Variants in OR2L13 observed in about 807,000 individuals in gnomAD.
OR2L13 encodes olfactory receptor family 2 subfamily L member 13.
Under a neutral mutation model 15.3 loss-of-function variants are expected in OR2L13, and 14 were observed. The observed-to-expected ratio is 0.91, with a 90% CI of 0.60 to 1.43. The LOEUF (loss-of-function observed/expected upper bound fraction) is 1.43, where lower values mean the gene tolerates loss of function less well. Among genes scored for constraint, OR2L13 ranks in the 40% most tolerant of loss-of-function variants. The probability of loss-of-function intolerance (pLI) is 0.00; values close to 1 mark genes in which losing one functional copy is unlikely to be tolerated. For missense variants in OR2L13, 367 were observed against 387.9 expected (o/e 0.95, Z 0.45); for synonymous variants, 152 against 142.9 (o/e 1.06, Z -0.45).
chr1:248,033,267 G>A, the OR2L13 span, among the ~76,000 whole-genome samples: 2 of 152,148 alleles, frequency 1.3e-5, 1 homozygote, highest in South Asian at 4.1e-4. Flanking sequence ...ATGGTGTAAA[G>A]TAAGCATCCA....
chr1:248,018,152 C>CAAAAAAAA, the OR2L13 span, among the ~76,000 whole-genome samples: 1 of 139,912 alleles, frequency 7.1e-6, no homozygotes, highest in African/African-American at 3.1e-5. Context: ...GACTCCATCT[C>CAAAAAAAA]AAAAAAATAA....
At chr1:248,079,048 T>A in the OR2L13 span, among the ~76,000 whole-genome samples, 1 of 152,144 alleles carries the variant, frequency 6.6e-6, no homozygotes, top group Non-Finnish European at 1.5e-5. Flanking sequence ...CAGTTCTGTA[T>A]CCTGATTGGG....
At chr1:248,022,832 G>C in the OR2L13 span, 2 of 1,613,668 alleles carry the variant, frequency 1.2e-6, no homozygotes. Context: ...GAAACAAGGA[G>C]GTGATGGGGG....
the OR2L13 span, among the ~76,000 whole-genome samples, chr1:248,034,861 G>A: frequency 1.3e-4 from 20 of 152,236 alleles, no homozygotes; most frequent in African/African-American, 4.3e-4. Context: ...GCAAATTGTG[G>A]GTGTATAGGA....
At chr1:248,032,920 A>G in the OR2L13 span, among the ~76,000 whole-genome samples, 1 of 152,168 alleles carries the variant, frequency 6.6e-6, no homozygotes, top group African/African-American at 2.4e-5. Flanking sequence ...AAATTACTAT[A>G]CAGATGGTCC....
chr1:247,968,867 G>C, the OR2L13 span, among the ~76,000 whole-genome samples: 2,610 of 152,054 alleles, frequency 0.017, 67 homozygotes, highest in African/African-American at 0.058. Context: ...CCCAGTAATG[G>C]GATGGCTGGG....
the OR2L13 span, chr1:247,937,284 G>T: frequency 1.3e-5 from 2 of 153,602 alleles, no homozygotes; most frequent in South Asian, 3.6e-4. Flanking sequence ...CGCGACCGCC[G>T]ACCACGATGA....
At chr1:247,963,750 T>C in the OR2L13 span, among the ~76,000 whole-genome samples, 2 of 152,204 alleles carry the variant, frequency 1.3e-5, no homozygotes, top group Non-Finnish European at 2.9e-5. Flanking sequence ...ATGTCCTCTG[T>C]CCTCTCTCTA....
the OR2L13 span, chr1:247,965,874 T>C: frequency 6.2e-7 from 1 of 1,613,870 alleles, no homozygotes; most frequent in Non-Finnish European, 8.5e-7. Context: ...TGTTTCAGCT[T>C]CCATTCTGTA....
At chr1:247,975,653 A>C in the OR2L13 span, 1 of 1,134,764 alleles carries the variant, frequency 8.8e-7, no homozygotes, top group Non-Finnish European at 1.3e-6. Context: ...TTCCCTGTGA[A>C]GATGAAGACA....
At chr1:248,015,195 C>T in the OR2L13 span, among the ~76,000 whole-genome samples, 1 of 152,174 alleles carries the variant, frequency 6.6e-6, no homozygotes, top group African/African-American at 2.4e-5. Flanking sequence ...ATTAAAAATA[C>T]ATATTGTGTA....
the OR2L13 span, among the ~76,000 whole-genome samples, chr1:248,073,760 A>C: frequency 6.6e-6 from 1 of 151,964 alleles, no homozygotes; most frequent in African/African-American, 2.4e-5. Context: ...TTAAAAAAAT[A>C]AATATTATAG....
the OR2L13 span, among the ~76,000 whole-genome samples, chr1:248,034,715 G>C: frequency 6.6e-6 from 1 of 152,074 alleles, no homozygotes; most frequent in East Asian, 1.9e-4. Flanking sequence ...TAATCCTTAA[G>C]TGTTTCGTTT....
the OR2L13 span, chr1:247,996,877 A>G: frequency 2.0e-5 from 3 of 152,336 alleles, no homozygotes; most frequent in African/African-American, 7.2e-5. Context: ...CAGCTTTTCA[A>G]ATGCAGGAAT....
the OR2L13 span, among the ~76,000 whole-genome samples, chr1:248,010,763 G>GTTGTTTTTTTTTTTTTT: frequency 2.2e-5 from 1 of 44,460 alleles, no homozygotes; most frequent in Non-Finnish European, 3.7e-5. Context: ...CTTTGTTGTT[G>GTTGTTTTTTTTTTTTTT]TTTTTTTTTT....
the OR2L13 span, among the ~76,000 whole-genome samples, chr1:248,072,016 T>A: frequency 1.3e-5 from 2 of 151,318 alleles, no homozygotes; most frequent in Non-Finnish European, 3.0e-5. Flanking sequence ...TGCTCATGGG[T>A]AGGAAGAATC....
chr1:248,035,688 T>A, the OR2L13 span: 1 of 152,100 alleles, frequency 6.6e-6, no homozygotes, highest in East Asian at 1.9e-4. Context: ...TCAAACAATA[T>A]GCTTATCTGC....
At chr1:248,020,165 C>A in the OR2L13 span, among the ~76,000 whole-genome samples, 1 of 152,074 alleles carries the variant, frequency 6.6e-6, no homozygotes, top group Non-Finnish European at 1.5e-5. Context: ...GGAACTGGAA[C>A]AAGACAAGGA....
chr1:248,037,719 A>G, the OR2L13 span, among the ~76,000 whole-genome samples: 5 of 152,328 alleles, frequency 3.3e-5, no homozygotes, highest in South Asian at 1.0e-3. Context: ...TTACTATTCT[A>G]TAAGTAGTCC....
Sources: gnomAD v4.1 joint callset for allele counts (sites outside exome capture counted in the v4.1 genomes callset) on GRCh38, gnomAD v4.1.1 for gene constraint, MANE v1.5 for transcripts, NCBI Gene and HGNC (gene_info 2026-07-23, HGNC 2026-07-21) for gene names.